The following AIG1 variants were observed in gnomAD, a reference collection of about 807,000 sequenced individuals.
AIG1 encodes the protein androgen induced 1, also known as androgen-induced gene 1 protein.
A neutral mutation model predicts 31.4 loss-of-function variants in AIG1; 23 were observed. The observed-to-expected ratio is 0.73, with a 90% confidence interval of 0.53 to 1.04. The LOEUF (loss-of-function observed/expected upper bound fraction) is 1.04. AIG1 is among the 50% of genes least tolerant of loss of function. The pLI, the probability that AIG1 is intolerant of heterozygous loss-of-function variation, is 0.00. For synonymous variants in AIG1, 100 were observed against 110.5 expected (o/e 0.90, Z 0.60); for missense variants, 274 against 295.0 (o/e 0.93, Z 0.52).
intron 1 of AIG1, chr6:143,094,172 T>TC (rs894646542): frequency 6.6e-6 from 1 of 151,806 alleles, no homozygotes; most frequent in Non-Finnish European, 1.5e-5. Context: ...GTGATTGATG[T>TC]CCCCCCATAT....
intron 3 of AIG1, among the ~76,000 whole-genome samples, chr6:143,216,525 T>C (rs1262155624): frequency 6.6e-6 from 1 of 152,196 alleles, no homozygotes; most frequent in Non-Finnish European, 1.5e-5. Flanking sequence ...ACAAGCTGAA[T>C]TGATGTTTAG....
chr6:143,204,539 C>G lies in AIG1; in HGVS notation c.399+39356C>G, dbSNP rs557842137. 2.0e-5 allele frequency among the ~76,000 whole-genome samples: 3 copies of G among 152,232 alleles called. No individual in the cohort carries two copies. The South Asian group carries it at 6.2e-4, about 32-fold the overall frequency. On this transcript the variant is annotated intron_variant, in intron 3 of 5. Coordinates refer to ENST00000357847, the MANE Select transcript of AIG1 (RefSeq NM_016108.4). ...ACTACCAGGCTTCATAAGCCCTAGC[C>G]TCAGAAGGCCAGAGCATCACTTCTG...
At chr6:143,188,351 G>T (rs1789468035) in intron 3 of AIG1, 8 of 985,526 alleles carry the variant, frequency 8.1e-6, no homozygotes, top group Non-Finnish European at 9.6e-6. Context: ...ATGTATTTAT[G>T]TTGCTGCATA....
At chr6:143,233,594 A>G (rs1401053243) in intron 3 of AIG1, among the ~76,000 whole-genome samples, 1 of 151,424 alleles carries the variant, frequency 6.6e-6, no homozygotes, top group African/African-American at 2.4e-5. Flanking sequence ...AAAAAAAAGA[A>G]AAGAAAAGAA....
intron 3 of AIG1, among the ~76,000 whole-genome samples, chr6:143,215,788 A>G (rs563676934): frequency 3.8e-4 from 58 of 152,268 alleles, no homozygotes; most frequent in African/African-American, 1.4e-3. Flanking sequence ...TCTTTACATA[A>G]GAGAGTAATG....
At chr6:143,309,436 G>A (rs1775085623) in intron 4 of AIG1, among the ~76,000 whole-genome samples, 1 of 151,780 alleles carries the variant, frequency 6.6e-6, no homozygotes, top group Non-Finnish European at 1.5e-5. Context: ...TGTTACAAAG[G>A]CAACAACTTA....
chr6:143,317,821 C>G (rs1463436806), intron 4 of AIG1, among the ~76,000 whole-genome samples: 2 of 152,166 alleles, frequency 1.3e-5, no homozygotes, highest in Middle Eastern at 3.4e-3. Flanking sequence ...TCAATCTACA[C>G]AAATCAGTAG....
At chr6:143,165,517 A>G (rs1786842257) in intron 3 of AIG1, among the ~76,000 whole-genome samples, 1 of 132,106 alleles carries the variant, frequency 7.6e-6, no homozygotes, top group Admixed American at 8.1e-5. Flanking sequence ...GAGCCCAAGG[A>G]TGGATTCCCA....
chr6:143,085,712 T>C (rs1006873512), intron 1 of AIG1, among the ~76,000 whole-genome samples: 14 of 152,196 alleles, frequency 9.2e-5, no homozygotes, highest in African/African-American at 2.9e-4. Flanking sequence ...GCTCAGACAT[T>C]TGAGCAGACC....
chr6:143,259,517 G>A (rs1795599537), intron 3 of AIG1, among the ~76,000 whole-genome samples: 1 of 152,146 alleles, frequency 6.6e-6, no homozygotes, highest in African/African-American at 2.4e-5. Context: ...CTTGGGCCCT[G>A]TTTTGGTCTT....
At chr6:143,321,455 C>G (rs994090667) in intron 4 of AIG1, among the ~76,000 whole-genome samples, 11 of 151,806 alleles carry the variant, frequency 7.2e-5, no homozygotes, top group African/African-American at 2.7e-4. Flanking sequence ...AAAAATTAGC[C>G]AGGTGTGGTT....
chr6:143,264,246 C>T (rs115428526), intron 3 of AIG1, among the ~76,000 whole-genome samples: 4 of 152,250 alleles, frequency 2.6e-5, no homozygotes, highest in Middle Eastern at 3.4e-3. Flanking sequence ...GCCCACACTG[C>T]GGATTTCCAG....
At position 143,339,668 on chromosome 6, in the gene AIG1, T is replaced by C. The variant is rs374898056; in HGVS notation, c.709T>C (p.Leu237=). Residue 237 remains leucine (L), a synonymous_variant, in exon 6 of 6, where the codon TTG becomes CTG. Transcript: ENST00000357847. ...SMEEEKEKPK[L]E ...GGAAGAAGAGAAAGAAAAGCCTAAA[T>C]TGGAATGAGATCCAAGTCTAAACGC... The C allele has an allele frequency of 6.2e-7, 1 of 1,613,414 alleles. No individual in the cohort carries two copies. Among genetic ancestry groups the C allele is most frequent in the Non-Finnish European group, 8.5e-7 (1 of 1,179,726 alleles).
intron 3 of AIG1, among the ~76,000 whole-genome samples, chr6:143,217,154 A>G (rs1792092573): frequency 6.6e-6 from 1 of 152,216 alleles, no homozygotes; most frequent in Non-Finnish European, 1.5e-5. Flanking sequence ...CCAAACTTCT[A>G]GAGCTCTTGT....
intron 3 of AIG1, among the ~76,000 whole-genome samples, chr6:143,227,226 G>T (rs1462649682): frequency 4.6e-5 from 7 of 152,156 alleles, no homozygotes; most frequent in Non-Finnish European, 1.0e-4. Context: ...AATTTTACCT[G>T]TAGCCAGTCA....
rs1795363456 is a variant in AIG1, at chr6:143,256,193, G to C, written c.400-27917G>C. 6.6e-6 allele frequency among the ~76,000 whole-genome samples: 1 copy of C among 152,148 alleles called. No individual in the cohort carries two copies. The highest frequency in any genetic ancestry group is 2.1e-4 in the South Asian group (1 of 4,822). ...AAACAGAAGTAAACTTCCCAACATAGGCAGTGTTGTTTAAGTCTATGTAAT... is the reference window on the plus strand; with the variant it reads ...AAACAGAAGTAAACTTCCCAACATACGCAGTGTTGTTTAAGTCTATGTAAT... On this transcript the variant is annotated intron_variant, in intron 3 of 5. Transcript: ENST00000357847. This position sits in a 1 kb window ranked among gnomAD's most constrained non-coding sequence, Gnocchi z 4.6.
intron 3 of AIG1, among the ~76,000 whole-genome samples, chr6:143,249,464 C>G (rs1163204431): frequency 4.6e-5 from 7 of 152,156 alleles, no homozygotes; most frequent in Non-Finnish European, 7.4e-5. Flanking sequence ...AGCCAGGCCT[C>G]GTGGAGGGGT....
chr6:143,262,953 A>G (rs748471735), intron 3 of AIG1, among the ~76,000 whole-genome samples: 1 of 152,204 alleles, frequency 6.6e-6, no homozygotes, highest in Non-Finnish European at 1.5e-5. Flanking sequence ...CCATCCTGAA[A>G]TATTATTCAT....
chr6:143,212,269 C>T (rs1791652705), intron 3 of AIG1, among the ~76,000 whole-genome samples: 2 of 152,154 alleles, frequency 1.3e-5, no homozygotes, highest in South Asian at 2.1e-4. Flanking sequence ...CCTCATGCTT[C>T]GAGCCCATTC....
Sources: gnomAD v4.1 joint callset for allele counts (sites outside exome capture counted in the v4.1 genomes callset) on GRCh38, gnomAD v4.1.1 for gene constraint, Gnocchi (gnomAD v3.1) non-coding constraint, MANE v1.5 for transcripts, NCBI Gene and HGNC (gene_info 2026-07-23, HGNC 2026-07-21) for gene names.